Variants in ELAPOR2 observed in about 807,000 individuals in gnomAD.
ELAPOR2 encodes the protein endosome/lysosome-associated apoptosis and autophagy regulator family member 2.
In ELAPOR2, 89 loss-of-function variants were observed where a neutral mutation model predicts 120.7. The observed-to-expected ratio is 0.74, with a 90% confidence interval of 0.62 to 0.88. The LOEUF is 0.88. Ranked by LOEUF, ELAPOR2 falls within the 40% of genes least tolerant of loss-of-function variation. The probability of loss-of-function intolerance (pLI) is 0.00; values close to 1 mark genes in which losing one functional copy is unlikely to be tolerated. For synonymous variants in ELAPOR2, 444 were observed against 444.9 expected, an observed-to-expected ratio of 1.00 and a Z score of 0.03; for missense variants, 1,134 against 1,251.6, an observed-to-expected ratio of 0.91 and a Z score of 1.42.
rs796235553 is a variant in ELAPOR2 at position 87,005,186 on chromosome 7, T to C, written c.190-40162A>G. On this transcript the variant is annotated intron_variant, in intron 1 of 21. Transcript: ENST00000450689. ...GAGACAGTTTATAATGGAAGCTCAA[T>C]ACGTATACACCAAACAAATGAACAA... 4.8e-4 allele frequency among the ~76,000 whole-genome samples: 73 copies of C among 152,172 alleles called. 1 individual carries two copies. The highest frequency in any genetic ancestry group is 1.7e-3 in the African/African-American group (72 of 41,518).
chr7:87,046,438 A>G (rs1007039048), intron 1 of ELAPOR2, among the ~76,000 whole-genome samples: 3 of 152,240 alleles, frequency 2.0e-5, no homozygotes, highest in Admixed American at 2.0e-4. Context: ...AAAGAAATAG[A>G]AAAACAATAC....
intron 1 of ELAPOR2, among the ~76,000 whole-genome samples, chr7:87,033,566 A>G (rs1562977193): frequency 6.6e-6 from 1 of 152,178 alleles, no homozygotes; most frequent in Non-Finnish European, 1.5e-5. Context: ...GCTAAAACAG[A>G]CTGTATGTCT....
chr7:87,012,359 G>A (rs930247118), intron 1 of ELAPOR2, among the ~76,000 whole-genome samples: 13 of 152,128 alleles, frequency 8.5e-5, no homozygotes, highest in East Asian at 1.9e-4. Context: ...GCAGTGAGCC[G>A]AGATTGTGCC....
chr7:86,928,671 G>C (rs1790188746), intron 8 of ELAPOR2, among the ~76,000 whole-genome samples: 1 of 151,888 alleles, frequency 6.6e-6, no homozygotes, highest in South Asian at 2.1e-4. Context: ...GTCAACAAGA[G>C]TCAGTTTGGT....
intron 18 of ELAPOR2, among the ~76,000 whole-genome samples, chr7:86,905,795 A>T (rs954977640): frequency 6.6e-6 from 1 of 152,142 alleles, no homozygotes; most frequent in African/African-American, 2.4e-5. Context: ...TTAAATAGAT[A>T]CCCCAAGGTA....
At chr7:86,957,205 G>A (rs1232435130) in intron 2 of ELAPOR2, among the ~76,000 whole-genome samples, 3 of 152,076 alleles carry the variant, frequency 2.0e-5, no homozygotes, top group South Asian at 2.1e-4. Context: ...CTTTGTCTTC[G>A]CACACCTGGA....
intron 2 of ELAPOR2, among the ~76,000 whole-genome samples, chr7:86,954,847 A>G (rs1791405715): frequency 6.6e-6 from 1 of 152,132 alleles, no homozygotes; most frequent in Admixed American, 6.5e-5. Flanking sequence ...AATAAGATGA[A>G]TAAGGTTCAA....
intron 5 of ELAPOR2, chr7:86,941,293 G>T: frequency 1.9e-6 from 1 of 529,232 alleles, no homozygotes; most frequent in South Asian, 1.4e-5. Flanking sequence ...TTAAATCCAT[G>T]TCTCTCTCAC....
intron 1 of ELAPOR2, among the ~76,000 whole-genome samples, chr7:87,038,379 G>A (rs1269608735): frequency 6.6e-6 from 1 of 152,130 alleles, no homozygotes; most frequent in Non-Finnish European, 1.5e-5. Context: ...ATAAGAAAAA[G>A]TCTAGGGAAA....
At chr7:87,034,937 C>T (rs1794536786) in intron 1 of ELAPOR2, among the ~76,000 whole-genome samples, 4 of 152,018 alleles carry the variant, frequency 2.6e-5, no homozygotes, top group Non-Finnish European at 5.9e-5. Context: ...ACAAAATTAG[C>T]CGGACATGGT....
intron 17 of ELAPOR2, 48 bp from the exon 18 acceptor site, chr7:86,907,819 T>C: frequency 9.5e-7 from 1 of 1,053,902 alleles, no homozygotes; most frequent in East Asian, 2.9e-5. Flanking sequence ...TAATACAGAT[T>C]ACAAAGACAA....
At chr7:86,897,671 G>C (rs1312332946) in intron 18 of ELAPOR2, 39 bp from the exon 19 acceptor site, 1 of 1,610,488 alleles carries the variant, frequency 6.2e-7, no homozygotes, top group African/African-American at 1.3e-5. Flanking sequence ...ATAAGTGGCA[G>C]CTTTTTAACC....
At position 86,877,299 on chromosome 7, in the gene ELAPOR2, C is replaced by T. The variant is rs1799204640; in HGVS notation, c.*3172G>A. 6.6e-6 allele frequency: 1 copy of T among 152,130 alleles called. No individual in the cohort carries two copies. Among genetic ancestry groups the T allele is most frequent in the Admixed American group, 6.6e-5 (1 of 15,266 alleles). The allele number at this position is 152,130 out of a possible 1,614,324, so 9.4% of individuals were successfully genotyped here. A position where few individuals can be genotyped will look rare whatever the true frequency, so the allele number is the denominator to read the frequency against. Reference sequence around the variant, plus strand: ...ATGAAGATGAATTCCATTTTAGCTTCCAACGAATGAGTCGGGTGTTGAGAT... The same window carrying T: ...ATGAAGATGAATTCCATTTTAGCTTTCAACGAATGAGTCGGGTGTTGAGAT... On this transcript the variant is annotated 3_prime_UTR_variant, in exon 22 of 22. Coordinates refer to ENST00000450689, the MANE Select transcript of ELAPOR2 (RefSeq NM_001142749.3).
chr7:87,011,388 T>C (rs1000272570), intron 1 of ELAPOR2, among the ~76,000 whole-genome samples: 2 of 152,198 alleles, frequency 1.3e-5, no homozygotes, highest in African/African-American at 2.4e-5. Context: ...CATGTCTGTA[T>C]ACCTGAAAAT....
At chr7:86,910,532 A>C (rs963160221) in intron 15 of ELAPOR2, among the ~76,000 whole-genome samples, 36 of 152,146 alleles carry the variant, frequency 2.4e-4, no homozygotes, top group African/African-American at 8.4e-4. Flanking sequence ...GGTCACTACA[A>C]GTGTCTTTAT....
intron 8 of ELAPOR2, among the ~76,000 whole-genome samples, chr7:86,929,684 CCTT>C (rs1457462259): frequency 1.3e-5 from 2 of 151,882 alleles, no homozygotes; most frequent in Non-Finnish European, 1.5e-5. Context: ...GTGTTTACCT[CCTT>C]CTCCTCTGAT....
chr7:87,046,301 A>T (rs1362798363), intron 1 of ELAPOR2, among the ~76,000 whole-genome samples: 2 of 152,238 alleles, frequency 1.3e-5, no homozygotes, highest in African/African-American at 4.8e-5. Context: ...GAAATTCAAG[A>T]GGCCACCAAA....
Position 86,880,273 on chromosome 7 carries a change from G to T in ELAPOR2, c.*198C>A. ...TCTTCAGTTGAGACCCAAATCATTTGCTTTCCTTTATTTGGCAAGGTACTT... is the reference window on the plus strand; with the variant it reads ...TCTTCAGTTGAGACCCAAATCATTTTCTTTCCTTTATTTGGCAAGGTACTT... On this transcript the variant is annotated 3_prime_UTR_variant, in exon 22 of 22. Transcript: ENST00000450689. 1.7e-6 allele frequency: 1 copy of T among 591,178 alleles called. No homozygotes were observed. Among genetic ancestry groups the T allele is most frequent in the South Asian group, 2.2e-5 (1 of 46,290 alleles). The allele number at this position is 591,178 out of a possible 1,614,324, so 36.6% of individuals were successfully genotyped here. A position where few individuals can be genotyped will look rare whatever the true frequency, so the allele number is the denominator to read the frequency against.
At chr7:86,984,426 C>T (rs10268507) in intron 1 of ELAPOR2, among the ~76,000 whole-genome samples, 57,566 of 151,990 alleles carry the variant, frequency 0.38, 11,752 homozygotes, top group African/African-American at 0.53. Flanking sequence ...AATTGACACA[C>T]AGTTGGAAGT....
Sources: gnomAD v4.1 joint callset for allele counts (sites outside exome capture counted in the v4.1 genomes callset) on GRCh38, gnomAD v4.1.1 for gene constraint, MANE v1.5 for transcripts, NCBI Gene and HGNC (gene_info 2026-07-23, HGNC 2026-07-21) for gene names.